The following SUGCT variants were observed in gnomAD, a reference collection of about 807,000 sequenced individuals.
SUGCT encodes the protein succinyl-CoA:glutarate-CoA transferase.
A neutral mutation model predicts 55.0 loss-of-function variants in SUGCT; 41 were observed. The ratio of observed to expected loss-of-function variants is 0.74; its 90% confidence interval spans 0.58 to 0.97. The LOEUF is 0.97. Among genes scored for constraint, SUGCT ranks in the 50% least tolerant of loss-of-function variants. The probability of loss-of-function intolerance (pLI) is 0.00; values close to 1 mark genes in which losing one functional copy is unlikely to be tolerated. For missense variants in SUGCT, 568 were observed against 547.8 expected (o/e 1.04, Z -0.37); for synonymous variants, 187 against 200.4 (o/e 0.93, Z 0.56).
intron 7 of SUGCT, among the ~76,000 whole-genome samples, chr7:40,265,857 A>G (rs1791534489): frequency 6.6e-6 from 1 of 152,146 alleles, no homozygotes; most frequent in Non-Finnish European, 1.5e-5. Flanking sequence ...AGAATGAGGC[A>G]GGAGAATCGC....
chr7:40,621,958 C>G (rs934392433), intron 12 of SUGCT, among the ~76,000 whole-genome samples: 1 of 152,170 alleles, frequency 6.6e-6, no homozygotes, highest in Non-Finnish European at 1.5e-5. Context: ...GCATTTGAGG[C>G]AAGCCCGTGG....
chr7:40,907,236 C>G, the SUGCT span, among the ~76,000 whole-genome samples: 2 of 151,926 alleles, frequency 1.3e-5, no homozygotes, highest in African/African-American at 4.8e-5. Flanking sequence ...TTTCTTAGCT[C>G]AGAAATGCAG....
At chr7:40,929,292 A>G in the SUGCT span, among the ~76,000 whole-genome samples, 1 of 152,146 alleles carries the variant, frequency 6.6e-6, no homozygotes, top group African/African-American at 2.4e-5. Flanking sequence ...CATGGTGTAT[A>G]TGTGCCACAT....
At chr7:40,341,392 T>A (rs181214954) in intron 9 of SUGCT, among the ~76,000 whole-genome samples, 1 of 152,300 alleles carries the variant, frequency 6.6e-6, no homozygotes, top group East Asian at 1.9e-4. Context: ...GAGGGAAATT[T>A]CACCACAGGT....
At chr7:40,998,468 A>T in the SUGCT span, among the ~76,000 whole-genome samples, 1 of 152,192 alleles carries the variant, frequency 6.6e-6, no homozygotes, top group Non-Finnish European at 1.5e-5. Flanking sequence ...ATGACATGAA[A>T]AATGTTGTAG....
At chr7:40,441,025 A>G (rs1395058564) in intron 9 of SUGCT, among the ~76,000 whole-genome samples, 1 of 151,342 alleles carries the variant, frequency 6.6e-6, no homozygotes, top group Admixed American at 6.6e-5. Flanking sequence ...GTTTGTAATT[A>G]CTTATGTGAA....
intron 9 of SUGCT, among the ~76,000 whole-genome samples, chr7:40,380,272 A>C (rs1186681396): frequency 1.3e-5 from 2 of 152,176 alleles, no homozygotes; most frequent in African/African-American, 4.8e-5. Context: ...GCAAGTTAAA[A>C]TGCCATAAAC....
At chr7:41,022,156 T>C in the SUGCT span, among the ~76,000 whole-genome samples, 1 of 152,132 alleles carries the variant, frequency 6.6e-6, no homozygotes, top group African/African-American at 2.4e-5. Context: ...AGATACCTTG[T>C]ATGTGAACAA....
At position 40,194,994 on chromosome 7, in the gene SUGCT, G is replaced by C. The variant is rs1472947379; in HGVS notation, c.418G>C (p.Ala140Pro). The change falls in exon 6 of 14, where the codon GCA becomes CCA. Residue 140 changes from alanine to proline, a missense_variant. Transcript: ENST00000335693. Reference protein sequence around the residue: ...VENYVPGKLSAMGLGYEDIDE... With the variant: ...VENYVPGKLSPMGLGYEDIDE... ...AAACTATGTCCCTGGCAAACTGTCT[G>C]CAATGGGCCTGGGATATGAAGATAT... 6.2e-7 allele frequency: 1 copy of C among 1,613,844 alleles called. No individual in the cohort carries two copies. The highest frequency in any genetic ancestry group is 1.1e-5 in the South Asian group (1 of 91,056).
chr7:40,543,607 G>A (rs1401152741), intron 12 of SUGCT, among the ~76,000 whole-genome samples: 2 of 152,170 alleles, frequency 1.3e-5, no homozygotes. Context: ...TTATCTGGTG[G>A]ACTGGACCAT....
the SUGCT span, among the ~76,000 whole-genome samples, chr7:40,939,457 T>C: frequency 6.6e-6 from 1 of 152,214 alleles, no homozygotes; most frequent in African/African-American, 2.4e-5. Context: ...TTTAGTTCTT[T>C]GAGAACTCTT....
chr7:40,364,197 C>T (rs1001564727), intron 9 of SUGCT, among the ~76,000 whole-genome samples: 5 of 152,010 alleles, frequency 3.3e-5, no homozygotes, highest in African/African-American at 1.2e-4. Context: ...TTATTTTGAG[C>T]CTATGTGTGT....
At chr7:40,886,784 C>G in the SUGCT span, among the ~76,000 whole-genome samples, 213 of 152,284 alleles carry the variant, frequency 1.4e-3, 3 homozygotes, top group African/African-American at 4.9e-3. Flanking sequence ...CCAGCATATG[C>G]TTTAGGATTA....
At chr7:40,429,941 T>G (rs1396717968) in intron 9 of SUGCT, among the ~76,000 whole-genome samples, 1 of 152,212 alleles carries the variant, frequency 6.6e-6, no homozygotes, top group Non-Finnish European at 1.5e-5. Flanking sequence ...TCTTTCTGTG[T>G]CTGACTTATT....
At chr7:40,302,921 T>C (rs1794623296) in intron 8 of SUGCT, among the ~76,000 whole-genome samples, 1 of 152,126 alleles carries the variant, frequency 6.6e-6, no homozygotes, top group African/African-American at 2.4e-5. Flanking sequence ...TGGCAACCAC[T>C]CATAGGCATC....
chr7:40,813,020 G>T (rs529051498), intron 13 of SUGCT, among the ~76,000 whole-genome samples: 70 of 152,126 alleles, frequency 4.6e-4, no homozygotes, highest in African/African-American at 1.6e-3. Flanking sequence ...CCTTGGCTTT[G>T]AGAGGTCTTC....
chr7:40,496,171 C>T (rs1288616656), intron 11 of SUGCT, 113 bp from the exon 12 acceptor site: 2 of 663,460 alleles, frequency 3.0e-6, no homozygotes, highest in Non-Finnish European at 5.2e-6. Context: ...TAAAGAAAGA[C>T]TAGGAAACAT....
At chr7:40,263,008 T>C (rs898881263) in intron 7 of SUGCT, among the ~76,000 whole-genome samples, 11 of 152,206 alleles carry the variant, frequency 7.2e-5, no homozygotes, top group African/African-American at 2.7e-4. Context: ...CTGCAAACTC[T>C]GCCTCCTGTT....
At chr7:40,617,604 T>C (rs1325111320) in intron 12 of SUGCT, among the ~76,000 whole-genome samples, 5 of 152,050 alleles carry the variant, frequency 3.3e-5, no homozygotes, top group Admixed American at 3.3e-4. Flanking sequence ...AATGCCATTA[T>C]AGAAATAACT....
Sources: allele counts gnomAD v4.1 joint callset (sites outside exome capture counted in the v4.1 genomes callset), GRCh38; gene constraint gnomAD v4.1.1; transcripts MANE v1.5; gene names NCBI Gene and HGNC (gene_info 2026-07-23, HGNC 2026-07-21).